Variants in SLC12A8 observed in about 807,000 individuals in gnomAD.
The protein encoded by SLC12A8 is solute carrier family 12 member 8, also known as cation-chloride cotransporter 9.
Under a neutral mutation model 75.6 loss-of-function variants are expected in SLC12A8, and 69 were observed. That is an observed-to-expected ratio of 0.91 (90% CI 0.75 to 1.11). SLC12A8 has a LOEUF of 1.11. SLC12A8 is among the 50% of genes most tolerant of loss of function. The pLI is 0.00. For synonymous variants in SLC12A8, 365 were observed against 372.8 expected (o/e 0.98, Z 0.24); for missense variants, 877 against 896.7 (o/e 0.98, Z 0.28).
At chr3:125,151,317 C>CA (rs568875172) in intron 5 of SLC12A8, 130 of 154,252 alleles carry the variant, frequency 8.4e-4, no homozygotes, top group Admixed American at 1.7e-3. Context: ...GAGTGCTGTA[C>CA]AAATATTATC....
chr3:125,100,465 TG>T (rs1938840427), intron 10 of SLC12A8, among the ~76,000 whole-genome samples: 1 of 151,732 alleles, frequency 6.6e-6, no homozygotes, highest in South Asian at 2.1e-4. Context: ...TGGAGTGCAA[TG>T]GCATGATCTC....
At chr3:125,085,276 G>A (rs1938428733) in intron 13 of SLC12A8, among the ~76,000 whole-genome samples, 1 of 152,194 alleles carries the variant, frequency 6.6e-6, no homozygotes, top group Non-Finnish European at 1.5e-5. Flanking sequence ...ATTCTTCTGA[G>A]TCTGGAGAAG....
chr3:125,173,360 A>C lies in SLC12A8; in HGVS notation c.622+4383T>G, dbSNP rs1026681636. On this transcript the variant is annotated intron_variant, in intron 5 of 13. Transcript: ENST00000469902. ...AACCCAGAAACACACAAATACAGTC[A>C]ACTGATATTTGACAAAGGCACAAAA... Among the ~76,000 whole-genome samples the C allele has an allele frequency of 5.3e-5, 8 of 151,106 alleles. No homozygotes were observed. In the South Asian group the frequency reaches 1.7e-3, roughly 32 times the overall value.
Position 125,107,872 on chromosome 3 carries a change from A to G in SLC12A8, c.1314T>C (p.Ala438=), listed in dbSNP as rs1939072590. 6.2e-7 allele frequency: 1 copy of G among 1,613,872 alleles called. No homozygotes were observed. The highest frequency in any genetic ancestry group is 8.5e-7 in the Non-Finnish European group (1 of 1,180,018). ...HCSEHLLLEK[A]PSYGSEGPAQ... Reference sequence around the variant, plus strand: ...CAGGTCCCTCAGAGCCGTAACTGGGAGCTTTCTCTAAGAGCAGGTGCTCAG... The same window carrying G: ...CAGGTCCCTCAGAGCCGTAACTGGGGGCTTTCTCTAAGAGCAGGTGCTCAG... The change falls in exon 10 of 14, where the codon GCT becomes GCC. Residue 438 remains alanine, a synonymous_variant. Coordinates refer to ENST00000469902, the MANE Select transcript of SLC12A8 (RefSeq NM_024628.6).
chr3:125,088,095 A>G (rs1383021237), intron 13 of SLC12A8: 4 of 568,908 alleles, frequency 7.0e-6, no homozygotes, highest in Middle Eastern at 4.7e-4. Context: ...GGAAGAGGAC[A>G]TGAGCCTAGA....
chr3:125,092,905 A>G (rs1001204179), intron 10 of SLC12A8, among the ~76,000 whole-genome samples: 2 of 152,190 alleles, frequency 1.3e-5, no homozygotes, highest in African/African-American at 4.8e-5. Flanking sequence ...ATGTCAGAGT[A>G]GTGAAGTTTG....
At chr3:125,166,532 C>T (rs1393204379) in intron 5 of SLC12A8, among the ~76,000 whole-genome samples, 1 of 152,184 alleles carries the variant, frequency 6.6e-6, no homozygotes, top group African/African-American at 2.4e-5. Flanking sequence ...CAGACAAGGC[C>T]TCTGCGTCCG....
At chr3:125,175,630 G>A (rs1323051254) in intron 5 of SLC12A8, among the ~76,000 whole-genome samples, 1 of 152,160 alleles carries the variant, frequency 6.6e-6, no homozygotes, top group African/African-American at 2.4e-5. Flanking sequence ...GTCACTGGAG[G>A]GGGAAGTACA....
chr3:125,166,146 C>T (rs190634371), intron 5 of SLC12A8, among the ~76,000 whole-genome samples: 19 of 152,300 alleles, frequency 1.2e-4, no homozygotes, highest in African/African-American at 4.1e-4. Flanking sequence ...GCCCTGACCA[C>T]ACCTCCGAGA....
chr3:125,177,875 C>T lies in SLC12A8; in HGVS notation c.490G>A (p.Val164Met), dbSNP rs750486052. The change falls in exon 5 of 14, where the codon GTG (valine) becomes ATG (methionine). Residue 164 changes from valine to methionine, a missense_variant. Coordinates refer to ENST00000469902, the MANE Select transcript of SLC12A8 (RefSeq NM_024628.6). ...TTAATGCCCAGCAAGGCCAGAAGCACCGCAACTGAAATTCCTCGCACAGCC... is the reference window on the plus strand; with the variant it reads ...TTAATGCCCAGCAAGGCCAGAAGCATCGCAACTGAAATTCCTCGCACAGCC... ...IWAVRGISVA[V>M]LLALLGINLA... 40 of 1,614,080 alleles carry T rather than the reference C, an allele frequency of 2.5e-5. No individual in the cohort carries two copies. Among genetic ancestry groups the T allele is most frequent in the Non-Finnish European group, 2.0e-5 (24 of 1,180,044 alleles).
rs530762575 is a variant in SLC12A8, at chr3:125,156,326, G to A, written c.623-20544C>T. ...GAGTTCATGTGCCAGACATGGTGCC[G>A]GCTGCTTCGTCTCCAGTATCTCAGG... On this transcript the variant is annotated intron_variant, in intron 5 of 13. Coordinates refer to ENST00000469902, the MANE Select transcript of SLC12A8 (RefSeq NM_024628.6). Among the ~76,000 whole-genome samples, 19 of 152,278 alleles carry A rather than the reference G, an allele frequency of 1.2e-4. No individual in the cohort carries two copies. In the South Asian group the frequency reaches 1.9e-3, roughly 15 times the overall value.
intron 7 of SLC12A8, chr3:125,119,923 G>C (rs1193222381): frequency 2.2e-6 from 1 of 456,580 alleles, no homozygotes; most frequent in Admixed American, 2.3e-5. Flanking sequence ...TATTCTAAAA[G>C]GTCAGAAATA....
At chr3:125,109,469 C>T (rs375633892) in intron 9 of SLC12A8, among the ~76,000 whole-genome samples, 51 of 152,178 alleles carry the variant, frequency 3.4e-4, no homozygotes, top group African/African-American at 1.2e-3. Context: ...TAAGTTGCAA[C>T]GATGTGTTCC....
chr3:125,188,913 C>G (rs1297100262), intron 3 of SLC12A8, among the ~76,000 whole-genome samples: 1 of 152,168 alleles, frequency 6.6e-6, no homozygotes, highest in East Asian at 1.9e-4. Context: ...CTGGTCTTGC[C>G]CAGACTTCTT....
At chr3:125,133,997 A>C (rs1933428349) in intron 6 of SLC12A8, among the ~76,000 whole-genome samples, 1 of 152,228 alleles carries the variant, frequency 6.6e-6, no homozygotes, top group African/African-American at 2.4e-5. Flanking sequence ...ACTGCATATA[A>C]ATGGAAATTT....
At chr3:125,093,941 A>C (rs1357112334) in intron 10 of SLC12A8, among the ~76,000 whole-genome samples, 4 of 152,190 alleles carry the variant, frequency 2.6e-5, no homozygotes, top group Non-Finnish European at 4.4e-5. Context: ...CTGGTTCACC[A>C]TCTTTTTCTC....
At chr3:125,108,240 A>C in intron 9 of SLC12A8, 114 bp from the exon 10 acceptor site, 1 of 1,020,832 alleles carries the variant, frequency 9.8e-7, no homozygotes, top group Non-Finnish European at 1.4e-6. Context: ...ACTTCTCCCC[A>C]TGTGATTATT....
Position 125,135,766 on chromosome 3 carries a change from T to A in SLC12A8, c.639A>T (p.Gly213=), listed in dbSNP as rs371923721. The change falls in exon 6 of 14, where the codon GGA becomes GGT. Residue 213 remains glycine, a synonymous_variant. Transcript: ENST00000469902. ...TGTTCTGTAGCAGTTCGGGTGAATA[T>A]CCAATGAAACCATGTTCTGAAATAA... ...THLDPEHGFI[G]YSPELLQNNT... is the part of the protein sequence containing the mutation. 1.2e-6 allele frequency: 2 copies of A among 1,603,140 alleles called. No homozygotes were observed. The highest frequency in any genetic ancestry group is 2.7e-5 in the African/African-American group (2 of 74,546).
At chr3:125,152,919 C>T (rs536480420) in intron 5 of SLC12A8, among the ~76,000 whole-genome samples, 2 of 152,218 alleles carry the variant, frequency 1.3e-5, no homozygotes, top group African/African-American at 4.8e-5. Flanking sequence ...CCTGGCACCC[C>T]GTAGGCTTTG....
Sources: allele counts gnomAD v4.1 joint callset (sites outside exome capture counted in the v4.1 genomes callset), GRCh38; gene constraint gnomAD v4.1.1; transcripts MANE v1.5; gene names NCBI Gene and HGNC (gene_info 2026-07-23, HGNC 2026-07-21).